Variants in CNTNAP2 observed in about 807,000 individuals in gnomAD.
CNTNAP2 encodes contactin-associated protein-like 2.
In CNTNAP2, 98 loss-of-function variants were observed where a neutral mutation model predicts 155.2. That is an observed-to-expected ratio of 0.63 (90% CI 0.54 to 0.75). The LOEUF (loss-of-function observed/expected upper bound fraction) is 0.75, where lower values mean the gene tolerates loss of function less well. Ranked by LOEUF, CNTNAP2 falls within the 30% of genes least tolerant of loss-of-function variation. CNTNAP2 has a pLI of 0.00. For synonymous variants in CNTNAP2, 651 were observed against 631.2 expected (o/e 1.03, Z -0.47); for missense variants, 1,727 against 1,688.1 (o/e 1.02, Z -0.40).
chr7:146,911,749 A>G (rs1051843769), intron 3 of CNTNAP2, among the ~76,000 whole-genome samples: 9 of 152,008 alleles, frequency 5.9e-5, no homozygotes, highest in East Asian at 3.9e-4. Context: ...TGGCACATGT[A>G]TACATATGTA....
intron 13 of CNTNAP2, among the ~76,000 whole-genome samples, chr7:147,688,465 C>T (rs1180816085): frequency 6.6e-6 from 1 of 152,166 alleles, no homozygotes; most frequent in Non-Finnish European, 1.5e-5. Context: ...CTCACATAGC[C>T]GCCTTTCTCC....
chr7:146,569,666 G>A (rs903118279), intron 1 of CNTNAP2, among the ~76,000 whole-genome samples: 2 of 152,182 alleles, frequency 1.3e-5, no homozygotes, highest in African/African-American at 4.8e-5. Context: ...GTAGCCCAAA[G>A]CTGACTGACA....
rs528215087 is a variant in CNTNAP2, at chr7:147,299,254, C to T, written c.1349-887C>T. Among the ~76,000 whole-genome samples, 25 of 152,242 alleles carry T rather than the reference C, an allele frequency of 1.6e-4. No individual in the cohort carries two copies. The South Asian group carries it at 4.4e-3, about 27-fold the overall frequency. On this transcript the variant is annotated intron_variant, in intron 8 of 23. Coordinates refer to ENST00000361727, the MANE Select transcript of CNTNAP2 (RefSeq NM_014141.6). ...ATGCTTATGTTTCCTGGCTGCTCTC[C>T]TATTTTTGCTTTTTAATTTTCTGAC...
At chr7:146,745,785 G>A (rs530810634) in intron 1 of CNTNAP2, among the ~76,000 whole-genome samples, 2 of 149,086 alleles carry the variant, frequency 1.3e-5, no homozygotes, top group Non-Finnish European at 3.0e-5. Context: ...AAAAAAAGAG[G>A]TCTGTTAAGG....
At chr7:147,041,709 G>T (rs1223446295) in intron 3 of CNTNAP2, among the ~76,000 whole-genome samples, 2 of 152,190 alleles carry the variant, frequency 1.3e-5, no homozygotes, top group East Asian at 3.8e-4. Context: ...TCATAAGACT[G>T]CAGATGTCTT....
chr7:147,834,364 A>AAGGACTAT (rs1208253259), intron 13 of CNTNAP2, among the ~76,000 whole-genome samples: 1 of 152,148 alleles, frequency 6.6e-6, no homozygotes, highest in African/African-American at 2.4e-5. Context: ...ATCTCATAAA[A>AAGGACTAT]AGGACTATTG....
chr7:147,445,886 G>T (rs1275378547), intron 10 of CNTNAP2, among the ~76,000 whole-genome samples: 2 of 151,880 alleles, frequency 1.3e-5, no homozygotes, highest in Admixed American at 6.6e-5. Context: ...CCTTGACTTC[G>T]TGGGCTCAAG....
At chr7:146,316,122 TATTA>T (rs1239544237) in intron 1 of CNTNAP2, among the ~76,000 whole-genome samples, 2 of 152,224 alleles carry the variant, frequency 1.3e-5, no homozygotes, top group Admixed American at 6.5e-5. Context: ...TTGCCTTCTG[TATTA>T]ATTATTTTGT....
chr7:148,239,394 A>T (rs1203386945), intron 20 of CNTNAP2, among the ~76,000 whole-genome samples: 2 of 152,224 alleles, frequency 1.3e-5, no homozygotes, highest in Non-Finnish European at 2.9e-5. Context: ...CTGATATAGA[A>T]GATCTATGGG....
At chr7:147,827,108 T>A (rs1798465039) in intron 13 of CNTNAP2, among the ~76,000 whole-genome samples, 1 of 152,024 alleles carries the variant, frequency 6.6e-6, no homozygotes, top group African/African-American at 2.4e-5. Context: ...TTTTTTCTAT[T>A]TTCATTAGAG....
chr7:146,763,204 C>A (rs977482647), intron 1 of CNTNAP2, among the ~76,000 whole-genome samples: 1 of 152,156 alleles, frequency 6.6e-6, no homozygotes, highest in African/African-American at 2.4e-5. Context: ...GACCTCTGAA[C>A]ATACCCACCT....
Position 147,586,376 on chromosome 7 carries a change from C to T in CNTNAP2, c.1897+24119C>T, listed in dbSNP as rs73466987. ...GGAGGGTATAAGGAGGCTTATCTGACTCTTCCTTTCTATCAGGGTCTGAAC... is the reference window on the plus strand; with the variant it reads ...GGAGGGTATAAGGAGGCTTATCTGATTCTTCCTTTCTATCAGGGTCTGAAC... On this transcript the variant is annotated intron_variant, in intron 12 of 23. Transcript: ENST00000361727. Among the ~76,000 whole-genome samples the T allele has an allele frequency of 4.4e-3, 669 of 151,932 alleles. 8 individuals are homozygous for T. The highest frequency in any genetic ancestry group is 0.015 in the African/African-American group (628 of 41,402).
In CNTNAP2 at chr7:148,039,086, G is replaced by A. The variant is rs143108633; in HGVS notation, c.2383+61097G>A. On this transcript the variant is annotated intron_variant, in intron 15 of 23. Coordinates refer to ENST00000361727, the MANE Select transcript of CNTNAP2 (RefSeq NM_014141.6). ...CAATTGGGAGGTTGAGAAATCCTACGCTAGGCTCTCTGCAAGCTGGAGAAC... is the reference window on the plus strand; with the variant it reads ...CAATTGGGAGGTTGAGAAATCCTACACTAGGCTCTCTGCAAGCTGGAGAAC... Among the ~76,000 whole-genome samples the A allele has an allele frequency of 9.9e-5, 15 of 152,218 alleles. No individual in the cohort carries two copies. In the South Asian group the frequency reaches 1.7e-3, roughly 17 times the overall value.
intron 16 of CNTNAP2, among the ~76,000 whole-genome samples, chr7:148,129,860 C>A (rs1474176486): frequency 6.6e-6 from 1 of 152,382 alleles, no homozygotes; most frequent in South Asian, 2.1e-4. Context: ...CACAGCCAAG[C>A]AGCACCTTAA....
rs150289342 is a variant in CNTNAP2 at position 147,410,771 on chromosome 7, A to T, written c.1670+14991A>T. 4.5e-3 allele frequency among the ~76,000 whole-genome samples: 678 copies of T among 152,290 alleles called. 5 individuals are homozygous for T. Among genetic ancestry groups the T allele is most frequent in the African/African-American group, 0.015 (632 of 41,560 alleles). ...CACAGGAATATAAGACAGCTCATTG[A>T]TCATTTTTGTATTCATTTTATTTTG... On this transcript the variant is annotated intron_variant, in intron 10 of 23. Transcript: ENST00000361727.
chr7:147,709,957 C>A (rs1796378490), intron 13 of CNTNAP2, among the ~76,000 whole-genome samples: 1 of 151,874 alleles, frequency 6.6e-6, no homozygotes, highest in African/African-American at 2.4e-5. Context: ...AATCTTTTGC[C>A]TTTTGCTTGT....
At chr7:147,080,277 A>C (rs1392504999) in intron 4 of CNTNAP2, among the ~76,000 whole-genome samples, 1 of 152,180 alleles carries the variant, frequency 6.6e-6, no homozygotes, top group Non-Finnish European at 1.5e-5. Context: ...AAAACATGGG[A>C]ATAATTATCC....
intron 2 of CNTNAP2, among the ~76,000 whole-genome samples, chr7:146,829,151 T>G (rs983771010): frequency 2.6e-5 from 4 of 152,218 alleles, no homozygotes; most frequent in Admixed American, 2.6e-4. Flanking sequence ...TTACATATTT[T>G]TTAAATACAT....
At chr7:147,958,017 G>A (rs1801049917) in intron 14 of CNTNAP2, among the ~76,000 whole-genome samples, 1 of 152,174 alleles carries the variant, frequency 6.6e-6, no homozygotes, top group South Asian at 2.1e-4. Flanking sequence ...TGAGGCTGCA[G>A]TGACAGATGT....
Sources: allele counts gnomAD v4.1 joint callset (sites outside exome capture counted in the v4.1 genomes callset), GRCh38; gene constraint gnomAD v4.1.1; transcripts MANE v1.5; gene names NCBI Gene and HGNC (gene_info 2026-07-23, HGNC 2026-07-21).